Variants in BOC observed in about 807,000 individuals in gnomAD.
BOC encodes brother of CDO.
A neutral mutation model predicts 112.0 loss-of-function variants in BOC; 76 were observed. The observed-to-expected ratio is 0.68, with a 90% CI of 0.56 to 0.82. The LOEUF (loss-of-function observed/expected upper bound fraction) is 0.82. Among genes scored for constraint, BOC ranks in the 40% least tolerant of loss-of-function variants. BOC has a pLI of 0.00. For synonymous variants in BOC, 580 were observed against 599.8 expected (o/e 0.97, Z 0.48); for missense variants, 1,309 against 1,511.7 (o/e 0.87, Z 2.22).
Position 113,278,619 on chromosome 3 carries a change from G to A in BOC, c.1706-54G>A, listed in dbSNP as rs562755008. The A allele has an allele frequency of 1.4e-6, 2 of 1,442,090 alleles. No individual in the cohort carries two copies. The highest frequency in any genetic ancestry group is 2.5e-5 in the East Asian group (1 of 40,178). 89.3% of individuals were successfully genotyped at this position (1,442,090 alleles called of 1,614,324 possible). Reference sequence around the variant, plus strand: ...CTCAGGCAAAAAGGACTCTGTGGGAGGGAGATCTCATGCCTGCTTCCTCCC... The same window carrying A: ...CTCAGGCAAAAAGGACTCTGTGGGAAGGAGATCTCATGCCTGCTTCCTCCC... On this transcript the variant is annotated intron_variant, in intron 10 of 19. Transcript: ENST00000682979. This position sits in a 1 kb window ranked among gnomAD's most constrained non-coding sequence, Gnocchi z 4.2.
rs776743546 is a variant in BOC, at chr3:113,279,295, C to T, written c.1863C>T (p.Thr621=). 3.1e-6 allele frequency: 5 copies of T among 1,614,066 alleles called. No individual in the cohort carries two copies. Among genetic ancestry groups the T allele is most frequent in the African/African-American group, 1.3e-5 (1 of 74,936 alleles). The change falls in exon 12 of 20, where the codon ACC becomes ACT. Residue 621 remains threonine, a synonymous_variant. Transcript: ENST00000682979. ...DRPTISTASE[T]SVYVTWIPRG... ...CCACCATCTCCACGGCCTCCGAGAC[C>T]TCAGTGTACGTGACCTGGATTCCCC...
intron 2 of BOC, among the ~76,000 whole-genome samples, chr3:113,238,972 T>G (rs1943931433): frequency 6.6e-6 from 1 of 152,194 alleles, no homozygotes; most frequent in Non-Finnish European, 1.5e-5. Flanking sequence ...TGAGAGCTAG[T>G]TTGAGGGCTC....
chr3:113,255,774 C>T (rs1169551895), intron 4 of BOC, among the ~76,000 whole-genome samples: 2 of 152,140 alleles, frequency 1.3e-5, no homozygotes, highest in Non-Finnish European at 2.9e-5. Flanking sequence ...GAGTCCCCCT[C>T]GCCACTCAAC....
chr3:113,255,138 A>C (rs956314371), intron 4 of BOC, among the ~76,000 whole-genome samples: 1 of 152,160 alleles, frequency 6.6e-6, no homozygotes, highest in African/African-American at 2.4e-5. Flanking sequence ...CTTGCTGCCA[A>C]TGCCCTGCTT....
intron 4 of BOC, among the ~76,000 whole-genome samples, chr3:113,262,481 A>T (rs1946997290): frequency 6.6e-6 from 1 of 152,152 alleles, no homozygotes; most frequent in Non-Finnish European, 1.5e-5. Context: ...ATGGTATTTT[A>T]CCAAATGCTG....
chr3:113,254,176 C>G (rs1230304230), intron 4 of BOC, among the ~76,000 whole-genome samples: 1 of 152,144 alleles, frequency 6.6e-6, no homozygotes, highest in Non-Finnish European at 1.5e-5. Context: ...CAAGAAGGCA[C>G]AGTAAGAGAA....
rs753935183 is a variant in BOC at position 113,250,896 on chromosome 3, G to GC, written c.376+68dup. On this transcript the variant is annotated intron_variant, in intron 4 of 19. Transcript: ENST00000682979. The stretch of plus-strand genomic sequence containing the variant: ...CCCTCCTCATCTCTCCCACCCTGAA[G>GC]CCCCCACCATTCATGCTGCCTCTTG... 7 of 1,584,490 alleles carry GC rather than the reference G, an allele frequency of 4.4e-6. No homozygotes were observed. The Admixed American group carries it at 5.1e-5, about 12-fold the overall frequency.
At chr3:113,216,472 A>G (rs1289850637) in intron 2 of BOC, 198 bp downstream of exon 2, 2 of 334,338 alleles carry the variant, frequency 6.0e-6, no homozygotes, top group East Asian at 1.5e-4. Context: ...TGTGATGGCT[A>G]TGTGAACCCC....
chr3:113,278,086 C>G lies in BOC; in HGVS notation c.1543-9C>G. ...AGATGCCGGTCTTTATACCAGCTAC[C>G]TTCTCCAGCAGGTCACAAATTCCTC... On this transcript the variant is annotated splice_polypyrimidine_tract_variant and intron_variant, in intron 9 of 19. Coordinates refer to ENST00000682979, the MANE Select transcript of BOC (RefSeq NM_001378074.1). The surrounding 1 kb of genome is among the most constrained non-coding windows in gnomAD (Gnocchi z 4.2). 6.2e-7 allele frequency: 1 copy of G among 1,614,090 alleles called. No homozygotes were observed. The highest frequency in any genetic ancestry group is 8.5e-7 in the Non-Finnish European group (1 of 1,179,946).
Position 113,274,477 on chromosome 3 carries a change from C to T in BOC, c.1337C>T (p.Pro446Leu), listed in dbSNP as rs768713210. Residue 446 changes from proline (P) to leucine (L), a missense_variant, in exon 9 of 20, where the codon CCG becomes CTG. Coordinates refer to ENST00000682979, the MANE Select transcript of BOC (RefSeq NM_001378074.1). This position sits in a 1 kb window ranked among gnomAD's most constrained non-coding sequence, Gnocchi z 4.8. Reference protein sequence around the residue: ...GNPEQMLRGQPALPRPPTSVG... With the variant: ...GNPEQMLRGQLALPRPPTSVG... ...CCTGAGCAGATGCTGAGGGGGCAACCGGCGCTCCCCAGACCCCCAACGTCA... is the reference window on the plus strand; with the variant it reads ...CCTGAGCAGATGCTGAGGGGGCAACTGGCGCTCCCCAGACCCCCAACGTCA... 2.9e-5 allele frequency: 47 copies of T among 1,611,300 alleles called. No homozygotes were observed. The East Asian group carries it at 5.1e-4, about 18-fold the overall frequency.
chr3:113,271,221 A>T, intron 6 of BOC: 1 of 609,526 alleles, frequency 1.6e-6, no homozygotes. Flanking sequence ...TGCGATTGGG[A>T]TGGGTCAGAA....
intron 2 of BOC, among the ~76,000 whole-genome samples, chr3:113,238,042 G>A (rs1943803010): frequency 6.6e-6 from 1 of 152,188 alleles, no homozygotes; most frequent in African/African-American, 2.4e-5. Context: ...AGAAATCCCT[G>A]TAGAAATGTT....
chr3:113,230,292 T>C (rs1426437089), intron 2 of BOC, among the ~76,000 whole-genome samples: 1 of 152,234 alleles, frequency 6.6e-6, no homozygotes, highest in Non-Finnish European at 1.5e-5. Context: ...CAGGAGTACG[T>C]ATGCAGAGTA....
intron 14 of BOC, 107 bp from the exon 15 acceptor site, chr3:113,280,924 G>A: frequency 4.1e-6 from 6 of 1,471,080 alleles, no homozygotes; most frequent in Non-Finnish European, 5.6e-6. Flanking sequence ...GTGCCAGTCA[G>A]TGGCATCCTC....
At chr3:113,252,531 A>C (rs1313218397) in intron 4 of BOC, among the ~76,000 whole-genome samples, 1 of 152,150 alleles carries the variant, frequency 6.6e-6, no homozygotes. Context: ...GGAGGGATGG[A>C]GAAGCAGTAA....
rs999643396 is a variant in BOC, at chr3:113,287,344, C to A, written c.*482C>A. The A allele has an allele frequency of 9.4e-6, 2 of 212,322 alleles. No homozygotes were observed. Among genetic ancestry groups the A allele is most frequent in the African/African-American group, 4.7e-5 (2 of 42,960 alleles). The allele number at this position is 212,322 out of a possible 1,614,324, so 13.2% of individuals were successfully genotyped here. A position where few individuals can be genotyped will look rare whatever the true frequency, so the allele number is the denominator to read the frequency against. ...CCATGAGAACAGACCAAGATGTGTA[C>A]AGCACTATGAGCATTAAAAAACCTT... On this transcript the variant is annotated 3_prime_UTR_variant, in exon 20 of 20. Coordinates refer to ENST00000682979, the MANE Select transcript of BOC (RefSeq NM_001378074.1).
In BOC at chr3:113,286,967, A is replaced by G. The variant is rs1949755367; in HGVS notation, c.*105A>G. 4 of 1,045,210 alleles carry G rather than the reference A, an allele frequency of 3.8e-6. No homozygotes were observed. Among genetic ancestry groups the G allele is most frequent in the Non-Finnish European group, 5.6e-6 (4 of 719,770 alleles). The allele number at this position is 1,045,210 out of a possible 1,614,324, so 64.7% of individuals were successfully genotyped here. A position where few individuals can be genotyped will look rare whatever the true frequency, so the allele number is the denominator to read the frequency against. ...TGGTATTTATTTTTCTATTATAGCC[A>G]TATTTATATATTTATGCACTTGTAA... On this transcript the variant is annotated 3_prime_UTR_variant, in exon 20 of 20. Transcript: ENST00000682979.
chr3:113,238,150 G>C (rs1181648880), intron 2 of BOC, among the ~76,000 whole-genome samples: 2 of 152,170 alleles, frequency 1.3e-5, no homozygotes, highest in African/African-American at 2.4e-5. Context: ...AAGATAATTA[G>C]GAGTTCCATG....
chr3:113,213,227 C>T (rs1938603884), intron 1 of BOC, among the ~76,000 whole-genome samples: 1 of 152,204 alleles, frequency 6.6e-6, no homozygotes, highest in African/African-American at 2.4e-5. Context: ...AAGTTTTTGA[C>T]CCAGAGTTAC....
Sources: gnomAD v4.1 joint callset for allele counts (sites outside exome capture counted in the v4.1 genomes callset) on GRCh38, gnomAD v4.1.1 for gene constraint, Gnocchi (gnomAD v3.1) non-coding constraint, MANE v1.5 for transcripts, NCBI Gene and HGNC (gene_info 2026-07-23, HGNC 2026-07-21) for gene names.